Variants in SIK2 observed in about 807,000 individuals in gnomAD.
The protein encoded by SIK2 is salt inducible kinase 2.
Under a neutral mutation model 103.2 loss-of-function variants are expected in SIK2, and 29 were observed. That is an observed-to-expected ratio of 0.28 (90% CI 0.21 to 0.38). The LOEUF is 0.38. Ranked by LOEUF, SIK2 falls within the 10% of genes least tolerant of loss-of-function variation. The pLI is 1.00. For missense variants in SIK2, 879 were observed against 1,171.0 expected, an observed-to-expected ratio of 0.75 and a Z score of 3.64; for synonymous variants, 412 against 446.1, an observed-to-expected ratio of 0.92 and a Z score of 0.96.
At chr11:111,608,786 C>T (rs1941680817) in intron 1 of SIK2, among the ~76,000 whole-genome samples, 1 of 152,102 alleles carries the variant, frequency 6.6e-6, no homozygotes, top group South Asian at 2.1e-4. Flanking sequence ...GTGCATGTAT[C>T]TAATTATTTC....
At chr11:111,618,469 T>C (rs1262837615) in intron 2 of SIK2, among the ~76,000 whole-genome samples, 2 of 152,148 alleles carry the variant, frequency 1.3e-5, no homozygotes, top group African/African-American at 4.8e-5. Context: ...TCAAAGCATT[T>C]CCTAAAAATA....
chr11:111,640,665 A>G (rs1046815818), intron 3 of SIK2, among the ~76,000 whole-genome samples: 1 of 151,168 alleles, frequency 6.6e-6, no homozygotes, highest in Non-Finnish European at 1.5e-5. Context: ...ATACTATGCT[A>G]TAAGTGCTAC....
intron 2 of SIK2, among the ~76,000 whole-genome samples, chr11:111,618,265 C>G (rs966991672): frequency 2.6e-5 from 4 of 152,080 alleles, no homozygotes; most frequent in Non-Finnish European, 4.4e-5. Context: ...CAATGGGGAG[C>G]CGCTGTAAAT....
At chr11:111,693,069 C>G (rs1942985893) in intron 4 of SIK2, among the ~76,000 whole-genome samples, 1 of 152,160 alleles carries the variant, frequency 6.6e-6, no homozygotes, top group Non-Finnish European at 1.5e-5. Flanking sequence ...CGCAGTGGCT[C>G]ACGCCTGTAA....
At chr11:111,659,860 T>G (rs1378240274) in intron 3 of SIK2, among the ~76,000 whole-genome samples, 1 of 152,226 alleles carries the variant, frequency 6.6e-6, no homozygotes, top group Admixed American at 6.5e-5. Context: ...GGGGCAACTT[T>G]TAGAGTTGAT....
intron 1 of SIK2, among the ~76,000 whole-genome samples, chr11:111,611,729 A>G (rs770186411): frequency 6.6e-6 from 1 of 152,296 alleles, no homozygotes; most frequent in Non-Finnish European, 1.5e-5. Context: ...TAATGATTAG[A>G]GAGTTGAATA....
In SIK2 at chr11:111,722,355, C is replaced by T. The variant is rs988935462; in HGVS notation, c.2056-310C>T. ...CGTAAAGGATGAATCATTCATTCAG[C>T]GGGTGCTGGGGCCTTTGCTCTCAAG... On this transcript the variant is annotated intron_variant, in intron 13 of 14. Coordinates refer to ENST00000304987, the MANE Select transcript of SIK2 (RefSeq NM_015191.3). The surrounding 1 kb of genome is among the most constrained non-coding windows in gnomAD (Gnocchi z 4.4). Among the ~76,000 whole-genome samples, 6 of 152,212 alleles carry T rather than the reference C, an allele frequency of 3.9e-5. No homozygotes were observed. Among genetic ancestry groups the T allele is most frequent in the African/African-American group, 1.2e-4 (5 of 41,442 alleles).
In SIK2 at chr11:111,721,602, T is replaced by C. The variant is rs117817889; in HGVS notation, c.1945-228T>C. 7.6e-3 allele frequency among the ~76,000 whole-genome samples: 1,152 copies of C among 152,100 alleles called. 8 individuals carry two copies. The highest frequency in any genetic ancestry group is 0.061 in the Middle Eastern group (18 of 294). The stretch of plus-strand genomic sequence containing the variant: ...CATAGCCTCCTGGTGACACCAAGAG[T>C]CTTTGCTCTAGTACTGACTAGGTAA... On this transcript the variant is annotated intron_variant, in intron 12 of 14. Transcript: ENST00000304987.
At chr11:111,633,329 T>C (rs1942063228) in intron 3 of SIK2, among the ~76,000 whole-genome samples, 3 of 152,218 alleles carry the variant, frequency 2.0e-5, no homozygotes, top group African/African-American at 7.2e-5. Flanking sequence ...TTATTTAAAG[T>C]CTGCATGTGT....
chr11:111,717,461 CAG>C (rs1267803305), intron 9 of SIK2, among the ~76,000 whole-genome samples: 3 of 151,660 alleles, frequency 2.0e-5, no homozygotes, highest in African/African-American at 7.3e-5. Flanking sequence ...GGCCTGGTTG[CAG>C]AGAGAAAGGA....
rs925846583 is a variant in SIK2, at chr11:111,724,003, C to T, written c.2655C>T (p.Ser885=). Residue 885 remains serine, a synonymous_variant, in exon 15 of 15, where the codon AGC becomes AGT. Transcript: ENST00000304987. ...SDLTGPDCPR[S]PGLQEAPSSY... ...TAACGGGGCCAGACTGTCCCAGAAG[C>T]CCAGGACTGCAAGAGGCCCCCTCCA... is the stretch of plus-strand genomic sequence containing the variant. The T allele has an allele frequency of 1.9e-6, 3 of 1,614,090 alleles. No individual in the cohort carries two copies. The highest frequency in any genetic ancestry group is 2.2e-5 in the East Asian group (1 of 44,898).
At chr11:111,720,117 C>A in intron 10 of SIK2, 114 bp downstream of exon 10, 1 of 1,023,166 alleles carries the variant, frequency 9.8e-7, no homozygotes, top group Non-Finnish European at 1.5e-6. Flanking sequence ...ATAGCTTATT[C>A]CTTTATGGAT....
At position 111,635,234 on chromosome 11, in the gene SIK2, C is replaced by A. The variant is rs189428579; in HGVS notation, c.316+14832C>A. ...GTGGTAGTCCTAGTTCCGCCATTGA[C>A]TTCTACTATAAACATCCTTGATTAA... On this transcript the variant is annotated intron_variant, in intron 3 of 14. Transcript: ENST00000304987. 3.9e-5 allele frequency among the ~76,000 whole-genome samples: 6 copies of A among 152,110 alleles called. No individual in the cohort carries two copies. In the East Asian group the frequency reaches 1.2e-3, roughly 29 times the overall value.
intron 3 of SIK2, among the ~76,000 whole-genome samples, chr11:111,636,249 A>G (rs1942107115): frequency 6.6e-6 from 1 of 152,222 alleles, no homozygotes; most frequent in Non-Finnish European, 1.5e-5. Flanking sequence ...AGAGGTCTCC[A>G]AGTGAGATAG....
rs779289996 is a variant in SIK2, at chr11:111,723,542, G to A, written c.2194G>A (p.Ala732Thr). ...LFLQKQSQLQAYFNQMQIAES... is the reference protein window; with the variant it reads ...LFLQKQSQLQTYFNQMQIAES... ...TCTTCAGAAGCAGTCTCAACTGCAGGCCTATTTTAATCAGATGCAGATAGC... is the reference window on the plus strand; with the variant it reads ...TCTTCAGAAGCAGTCTCAACTGCAGACCTATTTTAATCAGATGCAGATAGC... The change falls in exon 15 of 15, where the codon GCC (alanine) becomes ACC (threonine). Residue 732 changes from alanine (A) to threonine (T), a missense_variant. Around this residue, in one of 7 missense-constraint regions of SIK2, gnomAD observed 375 missense variants for 416.3 expected, o/e 0.90. Coordinates refer to ENST00000304987, the MANE Select transcript of SIK2 (RefSeq NM_015191.3). The A allele has an allele frequency of 4.3e-6, 7 of 1,613,948 alleles. No homozygotes were observed. Among genetic ancestry groups the A allele is most frequent in the Non-Finnish European group, 5.9e-6 (7 of 1,179,982 alleles).
At chr11:111,684,224 TGTG>T (rs1942814471) in intron 3 of SIK2, among the ~76,000 whole-genome samples, 1 of 152,222 alleles carries the variant, frequency 6.6e-6, no homozygotes, top group Non-Finnish European at 1.5e-5. Context: ...TCCCCTTGCC[TGTG>T]GTACTCCCAA....
chr11:111,655,901 G>C (rs116053207), intron 3 of SIK2, among the ~76,000 whole-genome samples: 1,559 of 151,986 alleles, frequency 0.01, 28 homozygotes, highest in African/African-American at 0.035. Context: ...AGATTGAGAA[G>C]ACCAGGTGCA....
intron 3 of SIK2, among the ~76,000 whole-genome samples, chr11:111,651,811 G>A (rs1424946401): frequency 1.3e-5 from 2 of 152,104 alleles, no homozygotes; most frequent in Non-Finnish European, 2.9e-5. Context: ...TTGCTACAGC[G>A]TAAGTTGCTA....
chr11:111,706,727 T>C (rs1021058411), intron 8 of SIK2, among the ~76,000 whole-genome samples: 1 of 152,052 alleles, frequency 6.6e-6, no homozygotes, highest in Non-Finnish European at 1.5e-5. Flanking sequence ...TTTGGGAGGC[T>C]GAGGTGGGTG....
Sources: gnomAD v4.1 joint callset for allele counts (sites outside exome capture counted in the v4.1 genomes callset) on GRCh38, gnomAD v4.1.1 for gene constraint, gnomAD v4.1.1 regional missense constraint, Gnocchi (gnomAD v3.1) non-coding constraint, MANE v1.5 for transcripts, NCBI Gene and HGNC (gene_info 2026-07-23, HGNC 2026-07-21) for gene names.